The following LTBP1 variants were observed in gnomAD, a reference collection of about 807,000 sequenced individuals.
The protein encoded by LTBP1 is latent-transforming growth factor beta-binding protein 1.
In LTBP1, 129 loss-of-function variants were observed where a neutral mutation model predicts 207.6. That is an observed-to-expected ratio of 0.62 (90% CI 0.54 to 0.72). The LOEUF is 0.72. Ranked by LOEUF, LTBP1 falls within the 30% of genes least tolerant of loss-of-function variation. The pLI, the probability that LTBP1 is intolerant of heterozygous loss-of-function variation, is 0.00. For synonymous variants in LTBP1, 963 were observed against 833.7 expected (o/e 1.16, Z -2.67); for missense variants, 2,281 against 2,217.2 (o/e 1.03, Z -0.58).
chr2:33,191,972 T>G (rs147724496), intron 7 of LTBP1, among the ~76,000 whole-genome samples: 115 of 152,312 alleles, frequency 7.6e-4, no homozygotes, highest in Non-Finnish European at 1.4e-3. Flanking sequence ...ATCAACGTAT[T>G]TAAATTCAGG....
At chr2:33,007,457 G>A (rs1038149672) in intron 2 of LTBP1, among the ~76,000 whole-genome samples, 1 of 152,170 alleles carries the variant, frequency 6.6e-6, no homozygotes, top group Non-Finnish European at 1.5e-5. Flanking sequence ...CTTTTACTCA[G>A]TTAAGAACAG....
intron 10 of LTBP1, among the ~76,000 whole-genome samples, chr2:33,245,764 G>C (rs2092488547): frequency 6.6e-6 from 1 of 152,182 alleles, no homozygotes; most frequent in Admixed American, 6.5e-5. Flanking sequence ...TAAATGTAAA[G>C]ATTGTAGAGT....
chr2:33,094,376 G>T (rs2079272696), intron 3 of LTBP1, among the ~76,000 whole-genome samples: 2 of 152,126 alleles, frequency 1.3e-5, no homozygotes, highest in South Asian at 4.1e-4. Flanking sequence ...ACAAGCAGTT[G>T]TCTCTAGACT....
chr2:32,950,418 G>A (rs141351330), intron 2 of LTBP1, among the ~76,000 whole-genome samples: 97 of 152,252 alleles, frequency 6.4e-4, no homozygotes, highest in African/African-American at 2.2e-3. Context: ...AATTAGCCAG[G>A]TGTGGTGTTG....
chr2:33,341,475 G>C (rs1055107004), intron 24 of LTBP1, among the ~76,000 whole-genome samples: 1 of 151,948 alleles, frequency 6.6e-6, no homozygotes, highest in Admixed American at 6.6e-5. Flanking sequence ...ACTTTGGAAG[G>C]CCGAGGCGGG....
intron 26 of LTBP1, among the ~76,000 whole-genome samples, chr2:33,360,350 G>A (rs1176091751): frequency 6.6e-6 from 1 of 152,180 alleles, no homozygotes; most frequent in Non-Finnish European, 1.5e-5. Context: ...AAAATAATTG[G>A]TTCACGTAAA....
At chr2:33,038,959 C>T (rs1403644794) in intron 3 of LTBP1, among the ~76,000 whole-genome samples, 1 of 152,222 alleles carries the variant, frequency 6.6e-6, no homozygotes, top group South Asian at 2.1e-4. Context: ...CTGCCTGGGA[C>T]ATCTGCGCTC....
At chr2:33,008,339 A>G (rs1238284339) in intron 2 of LTBP1, among the ~76,000 whole-genome samples, 1 of 152,252 alleles carries the variant, frequency 6.6e-6, no homozygotes, top group Admixed American at 6.5e-5. Context: ...CATATTGTTT[A>G]GATTGTAGAA....
chr2:33,276,055 ATTCACAGGCTCTTTGCCTCTTCCT>A, intron 18 of LTBP1, 132 bp downstream of exon 18: 1 of 1,128,282 alleles, frequency 8.9e-7, no homozygotes, highest in South Asian at 2.0e-5. Context: ...TGCTTCCTAG[ATTCACAGGCTCTTTGCCTCTTCCT>A]TTCACTGGCT....
chr2:33,342,936 G>A lies in LTBP1; in HGVS notation c.3829G>A (p.Ala1277Thr), dbSNP rs756909533. The A allele has an allele frequency of 2.2e-5, 36 of 1,613,814 alleles. No individual in the cohort carries two copies. Among genetic ancestry groups the A allele is most frequent in the Non-Finnish European group, 5.1e-6 (6 of 1,179,862 alleles). The change falls in exon 25 of 34, where the codon GCC (alanine) becomes ACC (threonine). Residue 1277 changes from alanine (A) to threonine (T), a missense_variant. Physicochemically the swap from Ala to Thr is moderately conservative, Grantham distance 58 (BLOSUM62 0). Transcript: ENST00000404816. ...FRCLCYQGFQ[A>T]PQDGQGCVDV... ...CTGCCTCTGTTATCAGGGCTTTCAAGCCCCACAGGATGGGCAAGGGTGTGT... is the reference window on the plus strand; with the variant it reads ...CTGCCTCTGTTATCAGGGCTTTCAAACCCCACAGGATGGGCAAGGGTGTGT...
rs578201648 is a variant in LTBP1 at position 33,106,973 on chromosome 2, A to C, written c.864-3609A>C. Among the ~76,000 whole-genome samples, 7 of 152,306 alleles carry C rather than the reference A, an allele frequency of 4.6e-5. No individual in the cohort carries two copies. In the South Asian group the frequency reaches 1.0e-3, roughly 23 times the overall value. ...TTTCACCCTTTACTTTACTTGGCTT[A>C]AGTATTCCGAACCTTTGTGTGGTCC... is the stretch of plus-strand genomic sequence containing the variant. On this transcript the variant is annotated intron_variant, in intron 3 of 33. Coordinates refer to ENST00000404816, the MANE Select transcript of LTBP1 (RefSeq NM_206943.4).
At chr2:33,321,843 T>A (rs1390026234) in intron 24 of LTBP1, among the ~76,000 whole-genome samples, 1 of 152,152 alleles carries the variant, frequency 6.6e-6, no homozygotes, top group Non-Finnish European at 1.5e-5. Flanking sequence ...CTCTCTTCCA[T>A]GTGTAAAAAG....
Position 33,186,947 on chromosome 2 carries a change from G to A in LTBP1, c.1293G>A (p.Gln431=). The A allele has an allele frequency of 6.2e-7, 1 of 1,614,210 alleles. No homozygotes were observed. The highest frequency in any genetic ancestry group is 8.5e-7 in the Non-Finnish European group (1 of 1,180,028). Residue 431 remains glutamine (Q), a synonymous_variant, in exon 6 of 34, where the codon CAG becomes CAA. Coordinates refer to ENST00000404816, the MANE Select transcript of LTBP1 (RefSeq NM_206943.4). The part of the protein sequence containing the change: ...CPPNFTGKLC[Q]IPVHGASVPK... ...CAAATTTCACAGGAAAACTTTGTCA[G>A]ATCCCAGTCCATGGTGCCAGCGTGC... is the stretch of plus-strand genomic sequence containing the variant.
intron 32 of LTBP1, among the ~76,000 whole-genome samples, chr2:33,393,852 T>C (rs1173041212): frequency 6.6e-6 from 1 of 152,222 alleles, no homozygotes; most frequent in East Asian, 1.9e-4. Context: ...TTCTAGATCC[T>C]TGAGGAATCG....
chr2:33,000,438 T>C (rs1482153306), intron 2 of LTBP1, among the ~76,000 whole-genome samples: 1 of 134,588 alleles, frequency 7.4e-6, no homozygotes, highest in Non-Finnish European at 1.6e-5. Context: ...ACCTTTGGTT[T>C]TGGGTTAAAT....
At chr2:33,358,348 A>G (rs2149993069) in intron 26 of LTBP1, among the ~76,000 whole-genome samples, 1 of 152,176 alleles carries the variant, frequency 6.6e-6, no homozygotes, top group Middle Eastern at 3.4e-3. Context: ...AGTGTAACAA[A>G]CATTTTAGTA....
intron 3 of LTBP1, among the ~76,000 whole-genome samples, chr2:33,078,039 G>A (rs2078180087): frequency 6.6e-6 from 1 of 152,188 alleles, no homozygotes; most frequent in African/African-American, 2.4e-5. Context: ...AGGCCAGTAT[G>A]CAGTTGCAAT....
chr2:33,006,820 A>T (rs1686960892), intron 2 of LTBP1, among the ~76,000 whole-genome samples: 1 of 152,114 alleles, frequency 6.6e-6, no homozygotes, highest in Non-Finnish European at 1.5e-5. Flanking sequence ...GAAAATAGTT[A>T]TACCACATTT....
chr2:33,183,158 A>C (rs6720185), intron 5 of LTBP1, among the ~76,000 whole-genome samples: 78,846 of 151,926 alleles, frequency 0.52, 20,684 homozygotes, highest in African/African-American at 0.54. Context: ...CCTGAGAGTT[A>C]CTTTAATGTT....
Sources: allele counts gnomAD v4.1 joint callset (sites outside exome capture counted in the v4.1 genomes callset), GRCh38; gene constraint gnomAD v4.1.1; transcripts MANE v1.5; gene names NCBI Gene and HGNC (gene_info 2026-07-23, HGNC 2026-07-21).